MEGF6: variants seen among roughly 807,000 people sequenced by gnomAD.
MEGF6 encodes the protein multiple epidermal growth factor-like domains protein 6.
In MEGF6, 184 loss-of-function variants were observed where a neutral mutation model predicts 207.1. The observed-to-expected ratio is 0.89, with a 90% CI of 0.79 to 1.00. The LOEUF (loss-of-function observed/expected upper bound fraction) is 1.00. Among genes scored for constraint, MEGF6 ranks in the 50% least tolerant of loss-of-function variants. MEGF6 has a pLI of 0.00. For missense variants in MEGF6, 2,282 were observed against 2,202.9 expected, an observed-to-expected ratio of 1.04 and a Z score of -0.72; for synonymous variants, 1,038 against 910.0, an observed-to-expected ratio of 1.14 and a Z score of -2.53.
rs373693268 is a variant in MEGF6, at chr1:3,510,015, G to A, written c.1235-23C>T. 8.9e-6 allele frequency: 14 copies of A among 1,576,326 alleles called. No homozygotes were observed. The African/African-American group carries it at 9.4e-5, about 11-fold the overall frequency. On this transcript the variant is annotated intron_variant, in intron 10 of 36. Transcript: ENST00000356575. ...CATCTGCGGGCGACCCGGGACCACT[G>A]AGGCCTGTGCTCCCAGGTGGGGAAC...
chr1:3,595,513 A>T, intron 2 of MEGF6, 66 bp from the exon 3 acceptor site: 1 of 1,342,660 alleles, frequency 7.4e-7, no homozygotes, highest in Non-Finnish European at 1.1e-6. Flanking sequence ...CTCTCACTGC[A>T]CCCCTGGGGA....
At chr1:3,524,610 A>AC (rs1641891451) in intron 4 of MEGF6, among the ~76,000 whole-genome samples, 1 of 152,220 alleles carries the variant, frequency 6.6e-6, no homozygotes, top group South Asian at 2.1e-4. Context: ...CAACCGCTCC[A>AC]CCAGGACCCA....
At position 3,594,281 on chromosome 1, in the gene MEGF6, T is replaced by C. The variant is rs1003321482; in HGVS notation, c.376+1057A>G. ...CTGTCTCTACAAAAAATACAATAAT[T>C]ATTCAAGCGTGGTGGTGCACACCTA... On this transcript the variant is annotated intron_variant, in intron 3 of 36. Coordinates refer to ENST00000356575, the MANE Select transcript of MEGF6 (RefSeq NM_001409.4). The surrounding 1 kb of genome is among the most constrained non-coding windows in gnomAD (Gnocchi z 4.2). Among the ~76,000 whole-genome samples the C allele has an allele frequency of 1.3e-5, 2 of 152,024 alleles. No individual in the cohort carries two copies. The highest frequency in any genetic ancestry group is 2.9e-5 in the Non-Finnish European group (2 of 68,006).
At chr1:3,544,529 C>A (rs972568700) in intron 4 of MEGF6, among the ~76,000 whole-genome samples, 3 of 152,264 alleles carry the variant, frequency 2.0e-5, no homozygotes, top group Admixed American at 2.0e-4. Context: ...ACCTCAAGAG[C>A]CTGCCCTCAT....
intron 4 of MEGF6, among the ~76,000 whole-genome samples, chr1:3,532,647 T>TG (rs1342353551): frequency 2.0e-5 from 3 of 152,172 alleles, no homozygotes; most frequent in Non-Finnish European, 4.4e-5. Flanking sequence ...AGGTGAGCGG[T>TG]GGGCACAAAG....
chr1:3,615,611 G>A (rs1321125502), upstream of MEGF6, among the ~76,000 whole-genome samples: 3 of 152,268 alleles, frequency 2.0e-5, no homozygotes, highest in African/African-American at 7.2e-5. Flanking sequence ...GGCACCAGGT[G>A]GGAAGCAGGC....
Position 3,500,623 on chromosome 1 carries a change from C to T in MEGF6, c.2707+10G>A, listed in dbSNP as rs1046956790. The T allele has an allele frequency of 1.7e-5, 26 of 1,549,962 alleles. No individual in the cohort carries two copies. Among genetic ancestry groups the T allele is most frequent in the East Asian group, 7.3e-5 (3 of 41,152 alleles). ...GGAGGGTGGCAGCCAAAGGCAGGGC[C>T]GGGACTCACGCTGCTCGCACCGCGG... is the stretch of plus-strand genomic sequence containing the variant. On this transcript the variant is annotated intron_variant, in intron 21 of 36. Coordinates refer to ENST00000356575, the MANE Select transcript of MEGF6 (RefSeq NM_001409.4).
chr1:3,570,502 C>A (rs1217970719), intron 4 of MEGF6, among the ~76,000 whole-genome samples: 1 of 152,266 alleles, frequency 6.6e-6, no homozygotes, highest in Non-Finnish European at 1.5e-5. Context: ...CCAGGCAGAG[C>A]TCCTCAAAGC....
intron 34 of MEGF6, chr1:3,493,299 A>T (rs1416385747): frequency 9.4e-6 from 2 of 212,856 alleles, no homozygotes; most frequent in Admixed American, 1.1e-4. Context: ...AGCCCCTCCT[A>T]TCCTCAGGTG....
At position 3,524,391 on chromosome 1, in the gene MEGF6, C is replaced by T. The variant is rs925307725; in HGVS notation, c.482-145G>A. On this transcript the variant is annotated intron_variant, in intron 4 of 36. Coordinates refer to ENST00000356575, the MANE Select transcript of MEGF6 (RefSeq NM_001409.4). The stretch of plus-strand genomic sequence containing the variant: ...CCATGAGCCCCTCACCCACATCTGC[C>T]GGAGACGCAGCAGAAGAGACAGGGT... The T allele has an allele frequency of 2.3e-5, 24 of 1,049,504 alleles. No homozygotes were observed. The South Asian group carries it at 2.6e-4, about 11-fold the overall frequency. 65.0% of individuals were successfully genotyped at this position (1,049,504 alleles called of 1,614,324 possible). A position where few individuals can be genotyped will look rare whatever the true frequency, so the allele number is the denominator to read the frequency against.
At chr1:3,540,387 A>T (rs1041023802) in intron 4 of MEGF6, among the ~76,000 whole-genome samples, 2 of 152,120 alleles carry the variant, frequency 1.3e-5, no homozygotes, top group African/African-American at 4.8e-5. Context: ...CCAGCTGAAG[A>T]ATGTTGGCCT....
At chr1:3,521,986 CA>C in intron 5 of MEGF6, among the ~76,000 whole-genome samples, 1 of 152,350 alleles carries the variant, frequency 6.6e-6, no homozygotes, top group South Asian at 2.1e-4. Flanking sequence ...TTCTCCAACT[CA>C]ACTAGCCAAA....
At chr1:3,580,004 C>G (rs1643754293) in intron 3 of MEGF6, 75 bp from the exon 4 acceptor site, 1 of 1,108,472 alleles carries the variant, frequency 9.0e-7, no homozygotes, top group Admixed American at 3.6e-5. Context: ...CTGAGGGTCT[C>G]TCGGGCAGGC....
upstream of MEGF6, among the ~76,000 whole-genome samples, chr1:3,613,302 C>T (rs140857493): frequency 5.1e-3 from 777 of 152,330 alleles, 4 homozygotes; most frequent in African/African-American, 0.018. Context: ...AGCCTGCACC[C>T]AAGAAAACCT....
At chr1:3,530,914 G>A (rs1642134394) in intron 4 of MEGF6, among the ~76,000 whole-genome samples, 1 of 152,206 alleles carries the variant, frequency 6.6e-6, no homozygotes, top group South Asian at 2.1e-4. Flanking sequence ...CAGCGCCCAC[G>A]GACCCTGTCC....
chr1:3,608,856 C>T (rs1036712019), intron 1 of MEGF6, among the ~76,000 whole-genome samples: 14 of 152,224 alleles, frequency 9.2e-5, no homozygotes, highest in African/African-American at 3.4e-4. Context: ...AGTGGAAATT[C>T]ACTTTGGAGT....
chr1:3,553,113 C>T (rs1170899709), intron 4 of MEGF6, among the ~76,000 whole-genome samples: 2 of 152,146 alleles, frequency 1.3e-5, no homozygotes, highest in South Asian at 2.1e-4. Flanking sequence ...CCCCAAGCTC[C>T]GCCTAACTAC....
At chr1:3,559,649 A>C (rs879858772) in intron 4 of MEGF6, among the ~76,000 whole-genome samples, 2 of 152,072 alleles carry the variant, frequency 1.3e-5, no homozygotes, top group Non-Finnish European at 2.9e-5. Flanking sequence ...GAAAGCGCAG[A>C]GCCATCCTCT....
chr1:3,579,656 C>A (rs1012700982), intron 4 of MEGF6, among the ~76,000 whole-genome samples, 169 bp downstream of exon 4: 1 of 152,262 alleles, frequency 6.6e-6, no homozygotes, highest in Admixed American at 6.5e-5. Flanking sequence ...CTCAGAGGGG[C>A]TGCAGGGAAC....
Sources: allele counts gnomAD v4.1 joint callset (sites outside exome capture counted in the v4.1 genomes callset), GRCh38; gene constraint gnomAD v4.1.1; non-coding constraint Gnocchi (gnomAD v3.1); transcripts MANE v1.5; gene names NCBI Gene and HGNC (gene_info 2026-07-23, HGNC 2026-07-21).